Variants in NRXN3 observed in about 807,000 individuals in gnomAD.
NRXN3 encodes the protein neurexin III.
NRXN3 carries 32 observed loss-of-function variants against 137.6 expected under a neutral mutation model. The observed-to-expected ratio is 0.23, with a 90% CI of 0.18 to 0.31. NRXN3 has a LOEUF of 0.31. NRXN3 is among the 10% of genes least tolerant of loss of function. The probability of loss-of-function intolerance (pLI) is 1.00; values close to 1 mark genes in which losing one functional copy is unlikely to be tolerated. For synonymous variants in NRXN3, 798 were observed against 784.5 expected, an observed-to-expected ratio of 1.02 and a Z score of -0.29; for missense variants, 1,574 against 2,062.5, an observed-to-expected ratio of 0.76 and a Z score of 4.59.
intron 15 of NRXN3, among the ~76,000 whole-genome samples, chr14:79,424,205 G>A (rs576676098): frequency 1.3e-5 from 2 of 152,254 alleles, no homozygotes; most frequent in South Asian, 2.1e-4. Context: ...ATGGGATTGT[G>A]AGAGATTGCT....
At chr14:78,307,799 G>A (rs1203163912) in intron 4 of NRXN3, among the ~76,000 whole-genome samples, 3 of 152,126 alleles carry the variant, frequency 2.0e-5, no homozygotes, top group African/African-American at 7.2e-5. Context: ...AATCCAACTT[G>A]CACATCTTGA....
intron 15 of NRXN3, among the ~76,000 whole-genome samples, chr14:79,414,619 G>A (rs1011217166): frequency 3.3e-5 from 5 of 152,128 alleles, no homozygotes; most frequent in East Asian, 1.9e-4. Context: ...ACAACATAAT[G>A]TTTGATGTAT....
At chr14:79,003,852 G>A (rs546140077) in intron 15 of NRXN3, among the ~76,000 whole-genome samples, 3 of 152,254 alleles carry the variant, frequency 2.0e-5, no homozygotes, top group Non-Finnish European at 1.5e-5. Flanking sequence ...TAATCATGGC[G>A]ATTTTGATAA....
rs2099418063 is a variant in NRXN3, at chr14:79,866,327, A to T, written c.*4363A>T. Reference sequence around the variant, plus strand: ...CTTGGGAGCTTATCATCTAGTAAAGATGAACAAAAAATGGTACTATAGTGA... The same window carrying T: ...CTTGGGAGCTTATCATCTAGTAAAGTTGAACAAAAAATGGTACTATAGTGA... On this transcript the variant is annotated 3_prime_UTR_variant, in exon 21 of 21. Coordinates refer to ENST00000335750, the MANE Select transcript of NRXN3 (RefSeq NM_001330195.2). The T allele has an allele frequency of 6.6e-6, 1 of 152,204 alleles. No homozygotes were observed. The highest frequency in any genetic ancestry group is 2.1e-4 in the South Asian group (1 of 4,832). The allele number at this position is 152,204 out of a possible 1,614,324, so 9.4% of individuals were successfully genotyped here. A position where few individuals can be genotyped will look rare whatever the true frequency, so the allele number is the denominator to read the frequency against.
intron 4 of NRXN3, among the ~76,000 whole-genome samples, chr14:78,362,502 G>T (rs2085279590): frequency 6.6e-6 from 1 of 152,038 alleles, no homozygotes; most frequent in Non-Finnish European, 1.5e-5. Context: ...TTTTTCCAAA[G>T]GGCATAAATT....
chr14:78,330,209 A>G lies in NRXN3; in HGVS notation c.757+32349A>G, dbSNP rs113797481. Reference sequence around the variant, plus strand: ...TCACCCTTTCATTTTCTTGAAACAGAGAGAGCTTGAGGAATGGGTAAGTGT... The same window carrying G: ...TCACCCTTTCATTTTCTTGAAACAGGGAGAGCTTGAGGAATGGGTAAGTGT... On this transcript the variant is annotated intron_variant, in intron 4 of 20. Coordinates refer to ENST00000335750, the MANE Select transcript of NRXN3 (RefSeq NM_001330195.2). 1.9e-3 allele frequency among the ~76,000 whole-genome samples: 289 copies of G among 152,202 alleles called. 1 individual carries two copies. Among genetic ancestry groups the G allele is most frequent in the African/African-American group, 6.6e-3 (273 of 41,482 alleles).
At chr14:78,371,795 G>A (rs2086882082) in intron 4 of NRXN3, among the ~76,000 whole-genome samples, 1 of 152,228 alleles carries the variant, frequency 6.6e-6, no homozygotes, top group Non-Finnish European at 1.5e-5. Flanking sequence ...GGCCATGAAA[G>A]GATCAAGGGA....
chr14:79,196,067 C>T (rs2065087336), intron 15 of NRXN3, among the ~76,000 whole-genome samples: 1 of 151,984 alleles, frequency 6.6e-6, no homozygotes, highest in East Asian at 1.9e-4. Context: ...ATCTAAAATC[C>T]CAGGGAGGGA....
intron 6 of NRXN3, among the ~76,000 whole-genome samples, chr14:78,656,359 G>C (rs909393502): frequency 6.6e-6 from 1 of 152,108 alleles, no homozygotes; most frequent in Non-Finnish European, 1.5e-5. Context: ...AAGCCAAGTA[G>C]AAGTGAGCAT....
chr14:79,304,180 G>T (rs1313139947), intron 15 of NRXN3, among the ~76,000 whole-genome samples: 1 of 152,024 alleles, frequency 6.6e-6, no homozygotes, highest in Non-Finnish European at 1.5e-5. Flanking sequence ...TAGAGAGTAG[G>T]TGTGTGTCTC....
chr14:78,615,004 T>TACC (rs1313277291), intron 4 of NRXN3: 2 of 456,510 alleles, frequency 4.4e-6, no homozygotes, highest in Non-Finnish European at 8.8e-6. Context: ...TGCACCCCTC[T>TACC]ACCCACTTCC....
intron 15 of NRXN3, among the ~76,000 whole-genome samples, chr14:79,041,126 G>T (rs768699957): frequency 1.3e-5 from 2 of 152,062 alleles, no homozygotes; most frequent in Non-Finnish European, 2.9e-5. Context: ...CCTTTTAATA[G>T]CTGTTGACTT....
chr14:78,805,600 G>GAA (rs201107127), intron 9 of NRXN3, among the ~76,000 whole-genome samples: 1,006 of 92,746 alleles, frequency 0.011, 6 homozygotes, highest in Middle Eastern at 0.033. Context: ...AAAAACAACA[G>GAA]AAAAAAAAAA....
At chr14:79,430,229 C>A (rs770739961) in intron 15 of NRXN3, among the ~76,000 whole-genome samples, 41 of 152,276 alleles carry the variant, frequency 2.7e-4, no homozygotes, top group Non-Finnish European at 5.1e-4. Flanking sequence ...ACACTTAAGA[C>A]TGCGTTTGTG....
chr14:78,849,479 A>G (rs1167381049), intron 10 of NRXN3, among the ~76,000 whole-genome samples: 2 of 152,058 alleles, frequency 1.3e-5, no homozygotes, highest in South Asian at 4.1e-4. Context: ...GGGCCCTCCA[A>G]CCTAGAGGTC....
intron 15 of NRXN3, among the ~76,000 whole-genome samples, chr14:79,351,919 C>G (rs1008747939): frequency 6.6e-6 from 1 of 152,100 alleles, no homozygotes; most frequent in Non-Finnish European, 1.5e-5. Context: ...GACTTTCACC[C>G]CCCTCCAAGC....
chr14:78,984,752 A>T (rs1404667537), intron 14 of NRXN3, among the ~76,000 whole-genome samples: 1 of 152,184 alleles, frequency 6.6e-6, no homozygotes, highest in African/African-American at 2.4e-5. Flanking sequence ...GGAGATGCAG[A>T]TGCTGCTGGT....
intron 10 of NRXN3, among the ~76,000 whole-genome samples, chr14:78,821,501 G>C (rs2098950662): frequency 6.6e-6 from 1 of 152,064 alleles, no homozygotes; most frequent in African/African-American, 2.4e-5. Context: ...AAGAGCAACA[G>C]AAACGGAATG....
intron 19 of NRXN3, among the ~76,000 whole-genome samples, chr14:79,709,145 A>C (rs1204411012): frequency 6.6e-6 from 1 of 152,144 alleles, no homozygotes; most frequent in African/African-American, 2.4e-5. Context: ...CAGATCGTGC[A>C]CTTCTAACAA....
Sources: allele counts gnomAD v4.1 joint callset (sites outside exome capture counted in the v4.1 genomes callset), GRCh38; gene constraint gnomAD v4.1.1; transcripts MANE v1.5; gene names NCBI Gene and HGNC (gene_info 2026-07-23, HGNC 2026-07-21).